Variants in PDE4D observed in about 807,000 individuals in gnomAD.
PDE4D encodes phosphodiesterase 4D.
A neutral mutation model predicts 87.4 loss-of-function variants in PDE4D; 24 were observed. That is an observed-to-expected ratio of 0.27 (90% CI 0.20 to 0.39). The LOEUF is 0.39. Ranked by LOEUF, PDE4D falls within the 10% of genes least tolerant of loss-of-function variation. The pLI is 1.00. For synonymous variants in PDE4D, 384 were observed against 383.2 expected, an observed-to-expected ratio of 1.00 and a Z score of -0.02; for missense variants, 714 against 1,041.0, an observed-to-expected ratio of 0.69 and a Z score of 4.32.
At chr5:59,394,408 T>G (rs943878227) in intron 1 of PDE4D, among the ~76,000 whole-genome samples, 2 of 152,200 alleles carry the variant, frequency 1.3e-5, no homozygotes, top group Non-Finnish European at 2.9e-5. Flanking sequence ...GAAGGGAGGT[T>G]TCTGGGCCAA....
chr5:59,241,672 G>A (rs1198516128), intron 1 of PDE4D, among the ~76,000 whole-genome samples: 1 of 152,144 alleles, frequency 6.6e-6, no homozygotes, highest in African/African-American at 2.4e-5. Context: ...ACACTCAGGG[G>A]ACTAAGTTAT....
chr5:60,356,190 A>G (rs1465505828), intron 1 of PDE4D, among the ~76,000 whole-genome samples: 1 of 152,174 alleles, frequency 6.6e-6, no homozygotes, highest in African/African-American at 2.4e-5. Context: ...ATCAATCCCC[A>G]GGAACTTCAG....
chr5:59,697,117 G>C (rs1362127723), intron 1 of PDE4D, among the ~76,000 whole-genome samples: 1 of 152,128 alleles, frequency 6.6e-6, no homozygotes, highest in East Asian at 1.9e-4. Flanking sequence ...TTCCTGATGG[G>C]GAGTAATTTG....
chr5:59,933,793 A>ATATATATATATATAT lies in PDE4D; in HGVS notation c.272+54694_272+54695insATATATATATATATA, dbSNP rs1343398649. Among the ~76,000 whole-genome samples the ATATATATATATATAT allele has an allele frequency of 8.7e-3, 310 of 35,542 alleles. 5 individuals carry two copies. The highest frequency in any genetic ancestry group is 0.048 in the African/African-American group (301 of 6,298). 23.3% of individuals were successfully genotyped at this position (35,542 alleles called of 152,430 possible). ...GGAGATATATATATATATATATATT[A>ATATATATATATATAT]ATAAGCATTCATATAAAAGATAATA... On this transcript the variant is annotated intron_variant, in intron 3 of 16. Coordinates refer to the PDE4D transcript ENST00000502484.
At chr5:59,019,303 T>G (rs573242786) in intron 6 of PDE4D, among the ~76,000 whole-genome samples, 1 of 152,288 alleles carries the variant, frequency 6.6e-6, no homozygotes, top group Non-Finnish European at 1.5e-5. Context: ...TTGCTTTCAG[T>G]ACAATTTCCC....
At chr5:60,182,970 A>G (rs531475827) in intron 2 of PDE4D, among the ~76,000 whole-genome samples, 3 of 152,028 alleles carry the variant, frequency 2.0e-5, no homozygotes, top group Non-Finnish European at 2.9e-5. Context: ...CTAACCCCCA[A>G]TGTGATGGTT....
At chr5:59,052,205 A>G (rs932492235) in intron 5 of PDE4D, among the ~76,000 whole-genome samples, 1 of 152,152 alleles carries the variant, frequency 6.6e-6, no homozygotes, top group Non-Finnish European at 1.5e-5. Context: ...GGAGGTATGG[A>G]CTATAGCTCA....
At chr5:59,856,276 T>G (rs145558545) in intron 1 of PDE4D, among the ~76,000 whole-genome samples, 178 of 152,284 alleles carry the variant, frequency 1.2e-3, no homozygotes, top group African/African-American at 4.1e-3. Flanking sequence ...TCTTCCAGCT[T>G]ACTGAGCCAT....
At chr5:59,530,862 C>T (rs888391744) in intron 1 of PDE4D, among the ~76,000 whole-genome samples, 4 of 152,258 alleles carry the variant, frequency 2.6e-5, no homozygotes, top group African/African-American at 9.6e-5. Flanking sequence ...TTTGAGATCC[C>T]TTTGAAGGGG....
intron 1 of PDE4D, among the ~76,000 whole-genome samples, chr5:59,248,848 C>T (rs1759379757): frequency 6.6e-6 from 1 of 152,014 alleles, no homozygotes; most frequent in Non-Finnish European, 1.5e-5. Context: ...TGTATCCCTA[C>T]CTTATATTAA....
chr5:59,254,891 G>A (rs578222574), intron 1 of PDE4D, among the ~76,000 whole-genome samples: 1 of 152,202 alleles, frequency 6.6e-6, no homozygotes, highest in East Asian at 1.9e-4. Flanking sequence ...TGGGAACATT[G>A]TGCCTTAACT....
chr5:59,726,538 A>G (rs1756618079), intron 1 of PDE4D, among the ~76,000 whole-genome samples: 1 of 152,092 alleles, frequency 6.6e-6, no homozygotes, highest in Admixed American at 6.6e-5. Context: ...GAGGGCCCCC[A>G]ATAGAACCTA....
At chr5:59,923,924 G>A (rs1331881190) in intron 3 of PDE4D, among the ~76,000 whole-genome samples, 5 of 152,208 alleles carry the variant, frequency 3.3e-5, no homozygotes, top group African/African-American at 7.2e-5. Context: ...AGACAGAGAT[G>A]TGTCCTCTCA....
intron 1 of PDE4D, among the ~76,000 whole-genome samples, chr5:59,772,096 A>T (rs1029443515): frequency 6.6e-6 from 1 of 152,234 alleles, no homozygotes; most frequent in Non-Finnish European, 1.5e-5. Context: ...TAACTTGAAA[A>T]AGCCTGCAGT....
At chr5:59,788,493 G>A (rs562812386) in intron 1 of PDE4D, among the ~76,000 whole-genome samples, 7 of 152,298 alleles carry the variant, frequency 4.6e-5, no homozygotes, top group South Asian at 2.1e-4. Flanking sequence ...ATATAATTCC[G>A]TACAGTATCA....
intron 1 of PDE4D, among the ~76,000 whole-genome samples, chr5:59,424,863 G>A (rs894434067): frequency 2.6e-5 from 4 of 152,192 alleles, no homozygotes; most frequent in African/African-American, 9.7e-5. Flanking sequence ...TTAGGCAAGA[G>A]TTCAGCAGAG....
chr5:60,424,736 T>A (rs1036328180), intron 1 of PDE4D, among the ~76,000 whole-genome samples: 1 of 152,178 alleles, frequency 6.6e-6, no homozygotes, highest in African/African-American at 2.4e-5. Context: ...AAAGAGGAAG[T>A]CAAACTGTCC....
chr5:59,627,279 A>G (rs187024667), intron 1 of PDE4D, among the ~76,000 whole-genome samples: 163 of 152,318 alleles, frequency 1.1e-3, no homozygotes, highest in African/African-American at 3.6e-3. Flanking sequence ...CCCTGTGACC[A>G]TGTATTCTTT....
chr5:59,184,260 G>A (rs918746746), intron 4 of PDE4D, among the ~76,000 whole-genome samples: 3 of 152,080 alleles, frequency 2.0e-5, no homozygotes, highest in Admixed American at 6.6e-5. Flanking sequence ...CATTTATATT[G>A]ATTTTTAAAA....
Sources: gnomAD v4.1 joint callset for allele counts (sites outside exome capture counted in the v4.1 genomes callset) on GRCh38, gnomAD v4.1.1 for gene constraint, MANE v1.5 for transcripts, NCBI Gene and HGNC (gene_info 2026-07-23, HGNC 2026-07-21) for gene names.